Variants in PPM1A observed in about 807,000 individuals in gnomAD.
The protein encoded by PPM1A is protein phosphatase, Mg2+/Mn2+ dependent 1A.
In PPM1A, 7 loss-of-function variants were observed where a neutral mutation model predicts 35.0. That is an observed-to-expected ratio of 0.20 (90% CI 0.11 to 0.38). The LOEUF (loss-of-function observed/expected upper bound fraction) is 0.38, where lower values mean the gene tolerates loss of function less well. Among genes scored for constraint, PPM1A ranks in the 10% least tolerant of loss-of-function variants. PPM1A has a pLI of 1.00. For synonymous variants in PPM1A, 153 were observed against 167.3 expected (o/e 0.91, Z 0.66); for missense variants, 239 against 467.8 (o/e 0.51, Z 4.51).
upstream of PPM1A, chr14:60,245,972 G>A: frequency 6.3e-7 from 1 of 1,578,470 alleles, no homozygotes; most frequent in Middle Eastern, 1.7e-4. This position sits in a 1 kb window ranked among gnomAD's most constrained non-coding sequence, Gnocchi z 4.2. Flanking sequence ...AAGAAAAAGG[G>A]AGGAGAGAGA....
At chr14:60,256,361 A>G (rs1365797087) in intron 1 of PPM1A, among the ~76,000 whole-genome samples, 3 of 152,208 alleles carry the variant, frequency 2.0e-5, no homozygotes, top group Non-Finnish European at 4.4e-5. Context: ...TGAACCCGGG[A>G]GGCACAGGTT....
At chr14:60,268,575 TG>T (rs1442978750) in intron 1 of PPM1A, 1 of 226,102 alleles carries the variant, frequency 4.4e-6, no homozygotes, top group East Asian at 1.8e-4. Context: ...TATTTTATTT[TG>T]TATGTGTGTG....
intron 1 of PPM1A, among the ~76,000 whole-genome samples, chr14:60,254,578 T>C (rs1338095302): frequency 6.6e-6 from 1 of 152,186 alleles, no homozygotes; most frequent in Non-Finnish European, 1.5e-5. Context: ...AACTCAGTTA[T>C]TACCATTTTT....
In PPM1A at chr14:60,296,703, T is replaced by A. The variant is rs1437881183; in HGVS notation, c.*4221T>A. 2.9e-6 allele frequency: 1 copy of A among 350,278 alleles called. No homozygotes were observed. Among genetic ancestry groups the A allele is most frequent in the African/African-American group, 2.1e-5 (1 of 47,744 alleles). The allele number at this position is 350,278 out of a possible 1,614,324, so 21.7% of individuals were successfully genotyped here. ...TTCCTTGGAATATGCTTGAAATATT[T>A]AAGAATACATTTTCAAAATGTATAA... On this transcript the variant is annotated 3_prime_UTR_variant, in exon 6 of 6. Coordinates refer to ENST00000395076, the MANE Select transcript of PPM1A (RefSeq NM_021003.5). This position sits in a 1 kb window ranked among gnomAD's most constrained non-coding sequence, Gnocchi z 4.4.
intron 1 of PPM1A, among the ~76,000 whole-genome samples, chr14:60,261,588 T>G (rs911861464): frequency 3.9e-5 from 6 of 152,134 alleles, no homozygotes; most frequent in Non-Finnish European, 8.8e-5. Flanking sequence ...CCATATCACC[T>G]TGGGATTATT....
intron 1 of PPM1A, among the ~76,000 whole-genome samples, chr14:60,256,556 T>G (rs1053413656): frequency 6.6e-6 from 1 of 152,230 alleles, no homozygotes; most frequent in South Asian, 2.1e-4. Flanking sequence ...TAATGAGACC[T>G]CTTGATACTT....
chr14:60,262,640 C>T (rs899669517), intron 1 of PPM1A, among the ~76,000 whole-genome samples: 1 of 152,184 alleles, frequency 6.6e-6, no homozygotes, highest in South Asian at 2.1e-4. Context: ...GAGTTGTGAT[C>T]GTGCCATTGC....
intron 4 of PPM1A, 92 bp from the exon 5 acceptor site, chr14:60,291,305 A>T (rs1043320763): frequency 4.7e-6 from 4 of 853,920 alleles, no homozygotes; most frequent in Non-Finnish European, 7.2e-6. Flanking sequence ...GTATAAGATT[A>T]TCTTAGAAAT....
chr14:60,257,339 CATTT>C (rs1883249656), intron 1 of PPM1A, among the ~76,000 whole-genome samples: 2 of 152,112 alleles, frequency 1.3e-5, no homozygotes, highest in South Asian at 4.1e-4. Context: ...TTGTTTCATT[CATTT>C]AAAGAGATTA....
At chr14:60,272,381 A>G (rs1371640038) in intron 1 of PPM1A, among the ~76,000 whole-genome samples, 2 of 139,080 alleles carry the variant, frequency 1.4e-5, no homozygotes, top group Non-Finnish European at 3.1e-5. Flanking sequence ...CACTAGGGGG[A>G]GTGTTGGGGG....
At position 60,296,790 on chromosome 14, in the gene PPM1A, G is replaced by C; in HGVS notation, c.*4308G>C. 3.0e-6 allele frequency: 1 copy of C among 331,776 alleles called. No homozygotes were observed. Among genetic ancestry groups the C allele is most frequent in the Non-Finnish European group, 5.6e-6 (1 of 179,590 alleles). The allele number at this position is 331,776 out of a possible 1,614,324, so 20.6% of individuals were successfully genotyped here. ...AGTTAAATGTTTGTTATTACTGATA[G>C]TCAAAATGCTCAATAGAAATGATGA... On this transcript the variant is annotated 3_prime_UTR_variant, in exon 6 of 6. Coordinates refer to ENST00000395076, the MANE Select transcript of PPM1A (RefSeq NM_021003.5). This position sits in a 1 kb window ranked among gnomAD's most constrained non-coding sequence, Gnocchi z 4.4.
chr14:60,276,482 T>C (rs748059780), intron 1 of PPM1A, among the ~76,000 whole-genome samples: 1 of 152,204 alleles, frequency 6.6e-6, no homozygotes, highest in African/African-American at 2.4e-5. Context: ...TCCACCCTTC[T>C]TGGAATGCCT....
rs921874481 is a variant in PPM1A, at chr14:60,296,173, A to C, written c.*3691A>C. ...CTCTGTGTTTTTGTAACACACTGCC[A>C]GTGTTAATATCAAATTTTAGCCAAA... On this transcript the variant is annotated 3_prime_UTR_variant, in exon 6 of 6. Coordinates refer to ENST00000395076, the MANE Select transcript of PPM1A (RefSeq NM_021003.5). This position sits in a 1 kb window ranked among gnomAD's most constrained non-coding sequence, Gnocchi z 4.4. The C allele has an allele frequency of 1.3e-5, 2 of 151,734 alleles. No homozygotes were observed. The highest frequency in any genetic ancestry group is 1.3e-4 in the Admixed American group (2 of 15,218). The allele number at this position is 151,734 out of a possible 1,614,324, so 9.4% of individuals were successfully genotyped here.
intron 1 of PPM1A, among the ~76,000 whole-genome samples, chr14:60,275,790 ACAAT>A (rs1227079248): frequency 6.6e-6 from 1 of 151,672 alleles, no homozygotes; most frequent in Non-Finnish European, 1.5e-5. Flanking sequence ...TTTTAAAGCA[ACAAT>A]CAGTGGGAAA....
intron 1 of PPM1A, among the ~76,000 whole-genome samples, chr14:60,281,642 T>G (rs1886419880): frequency 6.6e-6 from 1 of 152,226 alleles, no homozygotes; most frequent in African/African-American, 2.4e-5. Flanking sequence ...CTTGATTACT[T>G]GAACCCAGGT....
chr14:60,297,564 A>C lies in PPM1A; in HGVS notation c.*5082A>C, dbSNP rs746269806. ...AACTAATGGTTTTCTCATTAAACTA[A>C]ATGTTTAGAAAAGTTGTTTAGAGTT... On this transcript the variant is annotated 3_prime_UTR_variant, in exon 6 of 6. Transcript: ENST00000395076. 15 of 151,686 alleles carry C rather than the reference A, an allele frequency of 9.9e-5. No individual in the cohort carries two copies. The highest frequency in any genetic ancestry group is 2.1e-4 in the Non-Finnish European group (14 of 67,692). The allele number at this position is 151,686 out of a possible 1,614,324, so 9.4% of individuals were successfully genotyped here.
rs1888119167 is a variant in PPM1A, at chr14:60,297,148, C to T, written c.*4666C>T. ...CTCTTTTTTTCAAACAGAAACAGGC[C>T]AATTCCATTTTCTTGAGCAAGAAAG... On this transcript the variant is annotated 3_prime_UTR_variant, in exon 6 of 6. Transcript: ENST00000395076. 6.6e-6 allele frequency: 1 copy of T among 151,388 alleles called. No homozygotes were observed. Among genetic ancestry groups the T allele is most frequent in the Non-Finnish European group, 1.5e-5 (1 of 67,714 alleles). 9.4% of individuals were successfully genotyped at this position (151,388 alleles called of 1,614,324 possible).
In PPM1A at chr14:60,280,791, A is replaced by G. The variant is rs139471563; in HGVS notation, c.-20-1893A>G. ...AATCACATATGAAAATTTAAAAATC[A>G]TAGATACCTAGGTTCCAACCCTACC... On this transcript the variant is annotated intron_variant, in intron 1 of 5. Transcript: ENST00000395076. Among the ~76,000 whole-genome samples, 32 of 152,346 alleles carry G rather than the reference A, an allele frequency of 2.1e-4. 1 individual carries two copies. In the East Asian group the frequency reaches 6.2e-3, roughly 29 times the overall value.
Position 60,268,200 on chromosome 14 carries a change from G to C in PPM1A, c.-20-14484G>C, listed in dbSNP as rs1039202570. 8.9e-6 allele frequency: 6 copies of C among 677,698 alleles called. No individual in the cohort carries two copies. The African/African-American group carries it at 9.7e-5, about 11-fold the overall frequency. The allele number at this position is 677,698 out of a possible 1,614,324, so 42.0% of individuals were successfully genotyped here. A position where few individuals can be genotyped will look rare whatever the true frequency, so the allele number is the denominator to read the frequency against. On this transcript the variant is annotated intron_variant, in intron 1 of 5. Coordinates refer to ENST00000395076, the MANE Select transcript of PPM1A (RefSeq NM_021003.5). Reference sequence around the variant, plus strand: ...GACCTCCTTGGTCTCCTTTAACCTGGAGTGGTTCTTTAGTCTTTTTGCATT... The same window carrying C: ...GACCTCCTTGGTCTCCTTTAACCTGCAGTGGTTCTTTAGTCTTTTTGCATT...
Sources: allele counts gnomAD v4.1 joint callset (sites outside exome capture counted in the v4.1 genomes callset), GRCh38; gene constraint gnomAD v4.1.1; non-coding constraint Gnocchi (gnomAD v3.1); transcripts MANE v1.5; gene names NCBI Gene and HGNC (gene_info 2026-07-23, HGNC 2026-07-21).